PRKN: variants seen among roughly 807,000 people sequenced by gnomAD.
PRKN encodes the protein parkin RBR E3 ubiquitin protein ligase.
A neutral mutation model predicts 59.5 loss-of-function variants in PRKN; 56 were observed. The ratio of observed to expected loss-of-function variants is 0.94; its 90% CI spans 0.76 to 1.18. The LOEUF (loss-of-function observed/expected upper bound fraction) is 1.18. Among genes scored for constraint, PRKN ranks in the 50% most tolerant of loss-of-function variants. The probability of loss-of-function intolerance (pLI) is 0.00; values close to 1 mark genes in which losing one functional copy is unlikely to be tolerated. For missense variants in PRKN, 657 were observed against 596.4 expected (o/e 1.10, Z -1.06); for synonymous variants, 250 against 222.1 (o/e 1.13, Z -1.12).
chr6:161,381,079 T>G (rs1465768074), intron 10 of PRKN, among the ~76,000 whole-genome samples: 1 of 152,216 alleles, frequency 6.6e-6, no homozygotes, highest in Non-Finnish European at 1.5e-5. Flanking sequence ...AAAATGAAAT[T>G]TATCTTTGCA....
At chr6:162,042,066 A>C (rs1219863347) in intron 5 of PRKN, among the ~76,000 whole-genome samples, 1 of 151,828 alleles carries the variant, frequency 6.6e-6, no homozygotes, top group Non-Finnish European at 1.5e-5. Context: ...GGCCATAATT[A>C]CTCAGCTGTA....
intron 5 of PRKN, among the ~76,000 whole-genome samples, chr6:162,048,712 G>A (rs1350278990): frequency 5.7e-5 from 7 of 122,160 alleles, no homozygotes; most frequent in Non-Finnish European, 8.5e-5. Context: ...ACCAAAAATA[G>A]CTGATGAACT....
chr6:162,469,507 TATAC>T (rs1336793628), intron 1 of PRKN, among the ~76,000 whole-genome samples: 8 of 137,904 alleles, frequency 5.8e-5, no homozygotes, highest in African/African-American at 2.3e-4. Context: ...TGTGTGTGTG[TATAC>T]ACACACACAC....
chr6:162,245,384 T>G (rs1449838384), intron 3 of PRKN, among the ~76,000 whole-genome samples: 1 of 152,080 alleles, frequency 6.6e-6, no homozygotes, highest in Admixed American at 6.6e-5. Context: ...CTATCTATAA[T>G]CAAGACACTA....
intron 4 of PRKN, among the ~76,000 whole-genome samples, chr6:162,109,835 C>G (rs761722977): frequency 3.9e-5 from 6 of 152,170 alleles, no homozygotes; most frequent in Non-Finnish European, 7.3e-5. Flanking sequence ...TTTCCTGGTA[C>G]TGTTGCTGTA....
chr6:162,387,285 T>C (rs1442694576), intron 2 of PRKN, among the ~76,000 whole-genome samples: 2 of 150,226 alleles, frequency 1.3e-5, no homozygotes, highest in African/African-American at 4.9e-5. Flanking sequence ...ACTGGAAGGC[T>C]GTGATAATTT....
chr6:161,777,432 T>C lies in PRKN; in HGVS notation c.871+8340A>G, dbSNP rs184884315. Among the ~76,000 whole-genome samples the C allele has an allele frequency of 7.0e-3, 1,060 of 151,972 alleles. 12 individuals are homozygous for C. The highest frequency in any genetic ancestry group is 0.024 in the African/African-American group (986 of 41,458). ...TGGTTCATTGTTGCCTGGCCATACC[T>C]TGAAGAATGTATAAGGTGTTTAGCT... is the stretch of plus-strand genomic sequence containing the variant. On this transcript the variant is annotated intron_variant, in intron 7 of 11. Coordinates refer to ENST00000366898, the MANE Select transcript of PRKN (RefSeq NM_004562.3).
intron 2 of PRKN, among the ~76,000 whole-genome samples, chr6:162,348,489 C>T (rs1784495859): frequency 6.6e-6 from 1 of 152,006 alleles, no homozygotes; most frequent in South Asian, 2.1e-4. Flanking sequence ...AAGAAGATCT[C>T]AAATCAATGA....
intron 4 of PRKN, among the ~76,000 whole-genome samples, chr6:162,159,865 A>T (rs1782681124): frequency 6.6e-6 from 1 of 152,198 alleles, no homozygotes; most frequent in African/African-American, 2.4e-5. Context: ...AATATTTTCA[A>T]CAAGTGGCTC....
In PRKN at chr6:162,448,196, C is replaced by T. The variant is rs538266070; in HGVS notation, c.8-4723G>A. ...ATCAGAGGCACGCCCCGGTTAATTG[C>T]GGCAACACAAAAGTAACTCCACATG... On this transcript the variant is annotated intron_variant, in intron 1 of 11. Coordinates refer to ENST00000366898, the MANE Select transcript of PRKN (RefSeq NM_004562.3). Among the ~76,000 whole-genome samples, 16 of 152,156 alleles carry T rather than the reference C, an allele frequency of 1.1e-4. No individual in the cohort carries two copies. In the East Asian group the frequency reaches 1.7e-3, roughly 17 times the overall value.
chr6:162,493,740 A>G (rs1010328664), intron 1 of PRKN, among the ~76,000 whole-genome samples: 3 of 152,170 alleles, frequency 2.0e-5, no homozygotes, highest in Admixed American at 2.0e-4. Context: ...CACTCCTTCC[A>G]TAAGGAAGCC....
At chr6:161,524,103 G>C (rs1445398381) in intron 9 of PRKN, among the ~76,000 whole-genome samples, 1 of 151,712 alleles carries the variant, frequency 6.6e-6, no homozygotes, top group Non-Finnish European at 1.5e-5. Context: ...TTCTATTTGT[G>C]AAAAGGCAAG....
Position 161,467,540 on chromosome 6 carries a change from T to C in PRKN, c.1084-80663A>G, listed in dbSNP as rs902020518. ...TTTAATACAATGCTTTACTGTTGTATAACAGAGAAACATGCAGATTGCTAT... is the reference window on the plus strand; with the variant it reads ...TTTAATACAATGCTTTACTGTTGTACAACAGAGAAACATGCAGATTGCTAT... On this transcript the variant is annotated intron_variant, in intron 9 of 11. Coordinates refer to ENST00000366898, the MANE Select transcript of PRKN (RefSeq NM_004562.3). The surrounding 1 kb of genome is among the most constrained non-coding windows in gnomAD (Gnocchi z 4.3). Among the ~76,000 whole-genome samples the C allele has an allele frequency of 6.6e-5, 10 of 152,246 alleles. No individual in the cohort carries two copies. The highest frequency in any genetic ancestry group is 1.3e-4 in the Admixed American group (2 of 15,294).
intron 2 of PRKN, among the ~76,000 whole-genome samples, chr6:162,346,699 G>T (rs1323354615): frequency 2.0e-5 from 3 of 152,016 alleles, no homozygotes; most frequent in African/African-American, 7.2e-5. Context: ...GACTGCATGA[G>T]AAATTTTTTA....
chr6:162,310,219 CAT>C (rs930682268), intron 2 of PRKN, among the ~76,000 whole-genome samples: 3 of 152,180 alleles, frequency 2.0e-5, no homozygotes, highest in South Asian at 2.1e-4. Flanking sequence ...CCTCATGTCA[CAT>C]GTCAACCAAA....
intron 7 of PRKN, among the ~76,000 whole-genome samples, chr6:161,656,562 T>A (rs1784359546): frequency 6.6e-6 from 1 of 152,186 alleles, no homozygotes; most frequent in South Asian, 2.1e-4. Context: ...GGAACATGCC[T>A]ACTGGTTCCT....
chr6:162,157,391 CTCA>C (rs1459467797), intron 4 of PRKN, among the ~76,000 whole-genome samples: 1 of 151,862 alleles, frequency 6.6e-6, no homozygotes, highest in Non-Finnish European at 1.5e-5. Flanking sequence ...GGCTCACTTC[CTCA>C]TCAAGGTTAC....
chr6:161,739,706 A>G (rs1224407252), intron 7 of PRKN, among the ~76,000 whole-genome samples: 1 of 151,320 alleles, frequency 6.6e-6, no homozygotes, highest in African/African-American at 2.4e-5. Flanking sequence ...TTCTCTCTGT[A>G]CCTCTGTCTT....
chr6:162,512,575 C>T lies in PRKN; in HGVS notation c.8-69102G>A, dbSNP rs556101273. 1.9e-4 allele frequency among the ~76,000 whole-genome samples: 29 copies of T among 152,186 alleles called. No homozygotes were observed. The South Asian group carries it at 5.6e-3, about 29-fold the overall frequency. On this transcript the variant is annotated intron_variant, in intron 1 of 11. Coordinates refer to ENST00000366898, the MANE Select transcript of PRKN (RefSeq NM_004562.3). ...TGCAGTTATTGTTATACCTAGTGTCCGTCATAGGTGTTACTAATTTTGTCA... is the reference window on the plus strand; with the variant it reads ...TGCAGTTATTGTTATACCTAGTGTCTGTCATAGGTGTTACTAATTTTGTCA...
Sources: gnomAD v4.1 joint callset for allele counts (sites outside exome capture counted in the v4.1 genomes callset) on GRCh38, gnomAD v4.1.1 for gene constraint, Gnocchi (gnomAD v3.1) non-coding constraint, MANE v1.5 for transcripts, NCBI Gene and HGNC (gene_info 2026-07-23, HGNC 2026-07-21) for gene names.